The following MGAT4A variants were observed in gnomAD, a reference collection of about 807,000 sequenced individuals.
MGAT4A encodes the protein alpha-1,3-mannosyl-glycoprotein 4-beta-N-acetylglucosaminyltransferase A.
In MGAT4A, 33 loss-of-function variants were observed where a neutral mutation model predicts 74.1. The observed-to-expected ratio is 0.45, with a 90% CI of 0.34 to 0.60. The LOEUF is 0.60. MGAT4A is among the 20% of genes least tolerant of loss of function. The probability of loss-of-function intolerance (pLI) is 0.02; values close to 1 mark genes in which losing one functional copy is unlikely to be tolerated. For missense variants in MGAT4A, 479 were observed against 628.3 expected (o/e 0.76, Z 2.54); for synonymous variants, 198 against 210.4 (o/e 0.94, Z 0.51).
intron 2 of MGAT4A, among the ~76,000 whole-genome samples, chr2:98,708,223 C>T (rs1218631295): frequency 6.6e-6 from 1 of 152,076 alleles, no homozygotes; most frequent in African/African-American, 2.4e-5. Context: ...CCACCTTGGC[C>T]TCCCAAAGTG....
chr2:98,656,596 G>T, intron 6 of MGAT4A, 131 bp from the exon 7 acceptor site: 1 of 563,582 alleles, frequency 1.8e-6, no homozygotes, highest in Non-Finnish European at 3.1e-6. Context: ...ATGGCCGCAA[G>T]GTGTTAAAAG....
At position 98,675,144 on chromosome 2, in the gene MGAT4A, T is replaced by C. The variant is rs745650229; in HGVS notation, c.294A>G (p.Thr98=). 3 of 1,607,966 alleles carry C rather than the reference T, an allele frequency of 1.9e-6. No homozygotes were observed. In the East Asian group the frequency reaches 6.7e-5, roughly 36 times the overall value. ...TTGGCACTTGAAGAGATTTTTTGCT[T>C]GTTAACTCCTTTAACAGCTTTAGGG... ...DNTLKLLKEL[T]SKKSLQVPSI... Residue 98 remains threonine, a synonymous_variant, in exon 4 of 16, where the codon ACA becomes ACG. Coordinates refer to ENST00000393487, the MANE Select transcript of MGAT4A (RefSeq NM_012214.3).
chr2:98,694,806 G>C (rs984166481), intron 2 of MGAT4A: 2 of 152,730 alleles, frequency 1.3e-5, no homozygotes, highest in African/African-American at 4.8e-5. Context: ...CTGGGTGACA[G>C]AGCGAGACTC....
At chr2:98,680,948 C>A (rs1702050563) in intron 2 of MGAT4A, among the ~76,000 whole-genome samples, 1 of 152,164 alleles carries the variant, frequency 6.6e-6, no homozygotes, top group African/African-American at 2.4e-5. Flanking sequence ...CTACCCTAAG[C>A]AAAAGAAATT....
At chr2:98,640,715 T>C (rs1241132059) in intron 10 of MGAT4A, among the ~76,000 whole-genome samples, 1 of 152,224 alleles carries the variant, frequency 6.6e-6, no homozygotes, top group Non-Finnish European at 1.5e-5. Context: ...ATAGATTTGC[T>C]ACTTCCTTGA....
intron 2 of MGAT4A, among the ~76,000 whole-genome samples, chr2:98,699,296 G>A (rs1487654955): frequency 7.2e-5 from 11 of 152,184 alleles, no homozygotes; most frequent in Non-Finnish European, 1.0e-4. Context: ...AAGGAAACCA[G>A]GTGTTCAGCA....
At chr2:98,664,889 T>C (rs1030359013) in intron 4 of MGAT4A, among the ~76,000 whole-genome samples, 6 of 152,234 alleles carry the variant, frequency 3.9e-5, no homozygotes, top group Admixed American at 6.5e-5. Context: ...TAGAGGTATT[T>C]CAAAGTAAAT....
intron 2 of MGAT4A, among the ~76,000 whole-genome samples, chr2:98,705,807 G>A (rs1372765789): frequency 6.6e-6 from 1 of 151,950 alleles, no homozygotes; most frequent in Non-Finnish European, 1.5e-5. Context: ...GCCGGGCGCG[G>A]TGGCGGGCGC....
At chr2:98,694,263 A>G (rs1325782327) in intron 2 of MGAT4A, 1 of 152,690 alleles carries the variant, frequency 6.5e-6, no homozygotes, top group East Asian at 1.9e-4. Context: ...TCCACCTGGA[A>G]GGACATTTTG....
At chr2:98,723,589 A>C (rs543429518) in intron 2 of MGAT4A, among the ~76,000 whole-genome samples, 25 of 152,164 alleles carry the variant, frequency 1.6e-4, no homozygotes, top group African/African-American at 5.8e-4. Flanking sequence ...CAGTACTGTG[A>C]TTACCAGCTA....
At chr2:98,659,027 CAG>C (rs2104264657) in intron 5 of MGAT4A, among the ~76,000 whole-genome samples, 1 of 152,284 alleles carries the variant, frequency 6.6e-6, no homozygotes, top group African/African-American at 2.4e-5. Flanking sequence ...ATGTTTTAAA[CAG>C]ACATTTTCAA....
intron 2 of MGAT4A, among the ~76,000 whole-genome samples, chr2:98,716,611 C>T (rs142153940): frequency 1.3e-5 from 2 of 152,124 alleles, no homozygotes; most frequent in African/African-American, 4.8e-5. Flanking sequence ...GGCTACAGAG[C>T]GAAACTCCAT....
rs554728173 is a variant in MGAT4A, at chr2:98,656,663, GT to G, written c.585-199del. Among the ~76,000 whole-genome samples the G allele has an allele frequency of 1.5e-4, 22 of 151,240 alleles. No individual in the cohort carries two copies. In the East Asian group the frequency reaches 3.1e-3, roughly 21 times the overall value. On this transcript the variant is annotated intron_variant, in intron 6 of 15. Coordinates refer to ENST00000393487, the MANE Select transcript of MGAT4A (RefSeq NM_012214.3). The stretch of plus-strand genomic sequence containing the variant: ...AATACAGTTTTTTCCAATAGCAAAA[GT>G]TTTTTTTTAAAGTAATGCTTTAAAA...
intron 4 of MGAT4A, 82 bp downstream of exon 4, chr2:98,674,953 A>C: frequency 7.0e-7 from 1 of 1,435,054 alleles, no homozygotes; most frequent in South Asian, 1.2e-5. Flanking sequence ...TTGACCTCCC[A>C]GACTTCTGAT....
chr2:98,644,126 T>C (rs1469514111), intron 9 of MGAT4A, 73 bp from the exon 10 acceptor site: 1 of 1,409,552 alleles, frequency 7.1e-7, no homozygotes, highest in East Asian at 2.5e-5. Flanking sequence ...TCATGAAATC[T>C]TGCCCACGAC....
intron 6 of MGAT4A, among the ~76,000 whole-genome samples, 179 bp from the exon 7 acceptor site, chr2:98,656,644 G>A (rs1381891883): frequency 6.6e-6 from 1 of 151,930 alleles, no homozygotes; most frequent in Non-Finnish European, 1.5e-5. Flanking sequence ...AGAAAATACA[G>A]TTTTTTCCAA....
At chr2:98,627,043 A>G (rs143820223) in intron 14 of MGAT4A, among the ~76,000 whole-genome samples, 2,936 of 152,262 alleles carry the variant, frequency 0.019, 57 homozygotes, top group Non-Finnish European at 0.029. Context: ...TTTCCAATTG[A>G]GATTTAGGTG....
chr2:98,640,086 G>C (rs781269503), intron 11 of MGAT4A, 35 bp downstream of exon 11: 1 of 1,569,652 alleles, frequency 6.4e-7, no homozygotes, highest in Non-Finnish European at 8.7e-7. Flanking sequence ...ATAACAAGTT[G>C]TATGTTCATG....
intron 2 of MGAT4A, among the ~76,000 whole-genome samples, chr2:98,725,024 G>T (rs780289407): frequency 6.6e-6 from 1 of 152,192 alleles, no homozygotes; most frequent in African/African-American, 2.4e-5. Flanking sequence ...GCAGTGAGCC[G>T]AGGTCTTGCC....
Sources: gnomAD v4.1 joint callset for allele counts (sites outside exome capture counted in the v4.1 genomes callset) on GRCh38, gnomAD v4.1.1 for gene constraint, MANE v1.5 for transcripts, NCBI Gene and HGNC (gene_info 2026-07-23, HGNC 2026-07-21) for gene names.